The following DYNC1I1 variants were observed in gnomAD, a reference collection of about 807,000 sequenced individuals.
The protein encoded by DYNC1I1 is cytoplasmic dynein 1 intermediate chain 1.
DYNC1I1 carries 43 observed loss-of-function variants against 86.6 expected under a neutral mutation model. The observed-to-expected ratio is 0.50, with a 90% CI of 0.39 to 0.64. The LOEUF is 0.64. Among genes scored for constraint, DYNC1I1 ranks in the 30% least tolerant of loss-of-function variants. The pLI is 0.00. For missense variants in DYNC1I1, 604 were observed against 788.8 expected (o/e 0.77, Z 2.81); for synonymous variants, 262 against 283.7 (o/e 0.92, Z 0.77).
intron 7 of DYNC1I1, among the ~76,000 whole-genome samples, chr7:95,980,114 G>A (rs1793416231): frequency 6.6e-6 from 1 of 152,090 alleles, no homozygotes; most frequent in Admixed American, 6.5e-5. Flanking sequence ...AGTTCCAAGC[G>A]AAAACACCCT....
chr7:95,973,332 C>T (rs1447080885), intron 6 of DYNC1I1, among the ~76,000 whole-genome samples: 1 of 152,134 alleles, frequency 6.6e-6, no homozygotes, highest in African/African-American at 2.4e-5. Context: ...ATTTCCTTTG[C>T]AAATCCACCA....
intron 16 of DYNC1I1, among the ~76,000 whole-genome samples, chr7:96,107,963 A>G (rs1472798317): frequency 7.5e-6 from 1 of 133,068 alleles, no homozygotes; most frequent in African/African-American, 2.9e-5. Context: ...TATTAATCTT[A>G]TTGAGGATCC....
At chr7:95,802,122 C>T (rs1296725848) in intron 1 of DYNC1I1, among the ~76,000 whole-genome samples, 1 of 152,112 alleles carries the variant, frequency 6.6e-6, no homozygotes, top group African/African-American at 2.4e-5. Context: ...CTCCCCCCAT[C>T]TGTAGTGTTG....
At chr7:96,085,054 A>T (rs1790638376) in intron 16 of DYNC1I1, among the ~76,000 whole-genome samples, 1 of 152,086 alleles carries the variant, frequency 6.6e-6, no homozygotes, top group South Asian at 2.1e-4. Flanking sequence ...CCTTCCTGTG[A>T]GCCCTGGCAC....
At chr7:96,088,718 A>G (rs1481751999) in intron 16 of DYNC1I1, among the ~76,000 whole-genome samples, 1 of 152,122 alleles carries the variant, frequency 6.6e-6, no homozygotes, top group East Asian at 1.9e-4. Context: ...GGCATATCTA[A>G]AATATAATAC....
Position 96,077,853 on chromosome 7 carries a change from AT to A in DYNC1I1, c.1650+1662del, listed in dbSNP as rs1055902792. On this transcript the variant is annotated intron_variant, in intron 15 of 16. Coordinates refer to ENST00000447467, the MANE Select transcript of DYNC1I1 (RefSeq NM_001135556.2). ...TAATGTCTCAACATTGATAAATATA[AT>A]TTTTTCCCTTCTCTTTCTCTAGATA... Among the ~76,000 whole-genome samples, 7 of 152,204 alleles carry A rather than the reference AT, an allele frequency of 4.6e-5. No individual in the cohort carries two copies. In the South Asian group the frequency reaches 8.3e-4, roughly 18 times the overall value.
intron 6 of DYNC1I1, among the ~76,000 whole-genome samples, chr7:95,925,866 T>C (rs1791731904): frequency 6.6e-6 from 1 of 152,224 alleles, no homozygotes. Flanking sequence ...CTTTAGTTTT[T>C]CTTTTTATCA....
chr7:96,035,868 C>A, intron 13 of DYNC1I1, 116 bp downstream of exon 13: 1 of 1,499,090 alleles, frequency 6.7e-7, no homozygotes, highest in Non-Finnish European at 9.1e-7. Flanking sequence ...AAATGGAAAG[C>A]ACGACTTCAA....
chr7:95,807,193 A>G (rs1438854370), intron 2 of DYNC1I1, among the ~76,000 whole-genome samples: 2 of 152,104 alleles, frequency 1.3e-5, no homozygotes, highest in Admixed American at 6.6e-5. Context: ...AAAATGCCCC[A>G]TTGTTGGAAG....
chr7:95,965,171 A>C (rs1176540512), intron 6 of DYNC1I1, among the ~76,000 whole-genome samples: 1 of 152,218 alleles, frequency 6.6e-6, no homozygotes, highest in Non-Finnish European at 1.5e-5. Context: ...TAGGCAAGGA[A>C]AAAGAAGCTG....
At chr7:95,826,244 G>A (rs1259617166) in intron 4 of DYNC1I1, among the ~76,000 whole-genome samples, 1 of 152,178 alleles carries the variant, frequency 6.6e-6, no homozygotes, top group Non-Finnish European at 1.5e-5. Context: ...TAATCTTTCA[G>A]AGGTTCTATG....
intron 2 of DYNC1I1, among the ~76,000 whole-genome samples, chr7:95,807,487 G>C (rs1794728327): frequency 6.6e-6 from 1 of 152,058 alleles, no homozygotes; most frequent in Non-Finnish European, 1.5e-5. Context: ...GTCTGGACAG[G>C]CATAGCAGGA....
At chr7:95,924,779 G>A (rs1791698119) in intron 6 of DYNC1I1, among the ~76,000 whole-genome samples, 1 of 152,144 alleles carries the variant, frequency 6.6e-6, no homozygotes, top group Admixed American at 6.6e-5. Flanking sequence ...TGAAGGGGGA[G>A]TATCTGTCTG....
chr7:96,055,285 G>A (rs906982163), intron 14 of DYNC1I1, among the ~76,000 whole-genome samples: 3 of 151,964 alleles, frequency 2.0e-5, no homozygotes, highest in Admixed American at 1.3e-4. Flanking sequence ...AGGAGGGAGA[G>A]CATTAGGAGA....
In DYNC1I1 at chr7:95,916,816, T is replaced by G. The variant is rs547293276; in HGVS notation, c.490+46818T>G. ...TTAGAAAACTGCTCACAGCCTGATTTCAGCACTTTCAAAAACATGGAAATT... is the reference window on the plus strand; with the variant it reads ...TTAGAAAACTGCTCACAGCCTGATTGCAGCACTTTCAAAAACATGGAAATT... On this transcript the variant is annotated intron_variant, in intron 6 of 16. Coordinates refer to ENST00000447467, the MANE Select transcript of DYNC1I1 (RefSeq NM_001135556.2). 3.3e-5 allele frequency among the ~76,000 whole-genome samples: 5 copies of G among 152,322 alleles called. No individual in the cohort carries two copies. The East Asian group carries it at 7.7e-4, about 24-fold the overall frequency.
At chr7:95,954,520 G>T (rs569044534) in intron 6 of DYNC1I1, among the ~76,000 whole-genome samples, 64 of 151,796 alleles carry the variant, frequency 4.2e-4, no homozygotes, top group Non-Finnish European at 6.8e-4. Context: ...CAATGATCAG[G>T]CATTTAAGGG....
chr7:95,839,824 C>A (rs1789229983), intron 5 of DYNC1I1, among the ~76,000 whole-genome samples: 1 of 151,522 alleles, frequency 6.6e-6, no homozygotes, highest in South Asian at 2.1e-4. Context: ...TTCTGAAGGA[C>A]AGGTTTGCCT....
At chr7:95,990,837 C>T (rs1793710876) in intron 9 of DYNC1I1, among the ~76,000 whole-genome samples, 1 of 152,024 alleles carries the variant, frequency 6.6e-6, no homozygotes, top group African/African-American at 2.4e-5. Context: ...CAAGACCAGC[C>T]TGGGCAACAT....
intron 6 of DYNC1I1, among the ~76,000 whole-genome samples, chr7:95,952,616 GCTTTTA>G (rs1194444410): frequency 6.6e-6 from 1 of 152,138 alleles, no homozygotes; most frequent in African/African-American, 2.4e-5. Flanking sequence ...CCTGCTCAGT[GCTTTTA>G]CGCCATCCTC....
Sources: gnomAD v4.1 joint callset for allele counts (sites outside exome capture counted in the v4.1 genomes callset) on GRCh38, gnomAD v4.1.1 for gene constraint, MANE v1.5 for transcripts, NCBI Gene and HGNC (gene_info 2026-07-23, HGNC 2026-07-21) for gene names.